The following GRM8 variants were observed in gnomAD, a reference collection of about 807,000 sequenced individuals.
GRM8 encodes the protein metabotropic glutamate receptor 8.
Under a neutral mutation model 87.2 loss-of-function variants are expected in GRM8, and 47 were observed. The ratio of observed to expected loss-of-function variants is 0.54; its 90% CI spans 0.43 to 0.69. The LOEUF (loss-of-function observed/expected upper bound fraction) is 0.69. Among genes scored for constraint, GRM8 ranks in the 30% least tolerant of loss-of-function variants. GRM8 has a pLI of 0.00. For missense variants in GRM8, 1,019 were observed against 1,139.2 expected, an observed-to-expected ratio of 0.89 and a Z score of 1.52; for synonymous variants, 396 against 404.5, an observed-to-expected ratio of 0.98 and a Z score of 0.25.
chr7:126,695,191 A>C (rs1218840390), intron 7 of GRM8, among the ~76,000 whole-genome samples: 1 of 152,176 alleles, frequency 6.6e-6, no homozygotes, highest in East Asian at 1.9e-4. Flanking sequence ...AAAATACTAA[A>C]TTAGTAATAT....
chr7:126,601,367 T>C (rs1343057976), intron 8 of GRM8, among the ~76,000 whole-genome samples: 1 of 152,102 alleles, frequency 6.6e-6, no homozygotes, highest in Non-Finnish European at 1.5e-5. Flanking sequence ...GTCTTTGCTA[T>C]GGTGAATAAT....
At chr7:126,595,863 C>G (rs1418496580) in intron 8 of GRM8, among the ~76,000 whole-genome samples, 1 of 152,052 alleles carries the variant, frequency 6.6e-6, no homozygotes, top group African/African-American at 2.4e-5. Flanking sequence ...TCCGGCTGGT[C>G]GCAGTAGCTC....
chr7:127,019,395 T>C (rs970500187), intron 3 of GRM8, among the ~76,000 whole-genome samples: 2 of 152,080 alleles, frequency 1.3e-5, no homozygotes, highest in African/African-American at 4.8e-5. Context: ...CCAGGTGCTA[T>C]AGCAAATGGT....
At chr7:126,599,784 G>A (rs1415618921) in intron 8 of GRM8, among the ~76,000 whole-genome samples, 1 of 152,126 alleles carries the variant, frequency 6.6e-6, no homozygotes, top group Non-Finnish European at 1.5e-5. Flanking sequence ...AACACAGCTG[G>A]ATGTATTAGT....
At chr7:127,209,946 C>T (rs1796122091) in intron 2 of GRM8, among the ~76,000 whole-genome samples, 1 of 152,108 alleles carries the variant, frequency 6.6e-6, no homozygotes, top group Non-Finnish European at 1.5e-5. Context: ...ACATATAATT[C>T]ACCCACTACC....
At chr7:126,894,613 C>T (rs577285196) in intron 6 of GRM8, among the ~76,000 whole-genome samples, 62 of 152,152 alleles carry the variant, frequency 4.1e-4, no homozygotes, top group African/African-American at 1.5e-3. Context: ...ATGCATCAAT[C>T]TGACTCCCTC....
chr7:126,919,620 T>G (rs932826517), intron 3 of GRM8, among the ~76,000 whole-genome samples: 1 of 151,448 alleles, frequency 6.6e-6, no homozygotes, highest in Non-Finnish European at 1.5e-5. Flanking sequence ...AAAAAAAAAA[T>G]GAAAGGAGTG....
At chr7:126,514,784 C>T (rs1056314902) in intron 9 of GRM8, among the ~76,000 whole-genome samples, 1 of 151,952 alleles carries the variant, frequency 6.6e-6, no homozygotes, top group African/African-American at 2.4e-5. Context: ...TTACCATTCT[C>T]ATTGTACTAA....
chr7:127,187,576 C>G (rs934644133), intron 2 of GRM8, among the ~76,000 whole-genome samples: 6 of 152,214 alleles, frequency 3.9e-5, no homozygotes, highest in African/African-American at 1.4e-4. Context: ...GAGGCCATAA[C>G]TGGCACTAAC....
At chr7:127,093,243 T>C (rs1027666777) in intron 3 of GRM8, among the ~76,000 whole-genome samples, 1 of 152,198 alleles carries the variant, frequency 6.6e-6, no homozygotes, top group Non-Finnish European at 1.5e-5. Context: ...TAAGCTTGAC[T>C]GGAAACTGCA....
chr7:126,556,791 T>C (rs1188685862), intron 8 of GRM8, among the ~76,000 whole-genome samples: 1 of 152,246 alleles, frequency 6.6e-6, no homozygotes, highest in Non-Finnish European at 1.5e-5. Flanking sequence ...AATGTATGTA[T>C]TTTTGTTCCA....
chr7:127,001,825 C>T (rs937071758), intron 3 of GRM8, among the ~76,000 whole-genome samples: 1 of 151,628 alleles, frequency 6.6e-6, no homozygotes, highest in Non-Finnish European at 1.5e-5. Flanking sequence ...AGTTGTGATA[C>T]ATCCTTTCAA....
At chr7:127,113,847 C>T (rs1826533529) in intron 2 of GRM8, among the ~76,000 whole-genome samples, 1 of 152,096 alleles carries the variant, frequency 6.6e-6, no homozygotes, top group Admixed American at 6.6e-5. Flanking sequence ...CTACTAGTTG[C>T]TTGTGGCAAA....
At chr7:126,813,040 T>C (rs917057272) in intron 6 of GRM8, among the ~76,000 whole-genome samples, 12 of 151,950 alleles carry the variant, frequency 7.9e-5, no homozygotes, top group African/African-American at 2.9e-4. Flanking sequence ...AGTGAGAGGA[T>C]CTATAAAAAT....
chr7:126,474,890 T>A (rs1044271212), intron 9 of GRM8, among the ~76,000 whole-genome samples: 13 of 152,128 alleles, frequency 8.5e-5, no homozygotes, highest in African/African-American at 3.1e-4. Context: ...AATTATATGA[T>A]CACCTCAATA....
chr7:126,922,142 TAAGCATATGACA>T (rs1804597145), intron 3 of GRM8, among the ~76,000 whole-genome samples: 1 of 152,184 alleles, frequency 6.6e-6, no homozygotes, highest in Non-Finnish European at 1.5e-5. Flanking sequence ...TATAGAAATC[TAAGCATATGACA>T]AAGCAAGAAA....
chr7:127,064,880 C>T (rs1052785613), intron 3 of GRM8, among the ~76,000 whole-genome samples: 6 of 152,132 alleles, frequency 3.9e-5, no homozygotes, highest in African/African-American at 1.4e-4. Context: ...GGCTGGCAAG[C>T]TTGCAGAGGA....
rs188748613 is a variant in GRM8 at position 126,969,640 on chromosome 7, C to A, written c.728-64957G>T. On this transcript the variant is annotated intron_variant, in intron 3 of 10. Transcript: ENST00000339582. ...TACTACAGTCTTGAACCCCTCAAAGCCATCCCTAAGGGTTGGCATCAACTT... is the reference window on the plus strand; with the variant it reads ...TACTACAGTCTTGAACCCCTCAAAGACATCCCTAAGGGTTGGCATCAACTT... 8.7e-4 allele frequency among the ~76,000 whole-genome samples: 132 copies of A among 152,222 alleles called. 2 individuals carry two copies. The highest frequency in any genetic ancestry group is 3.0e-3 in the African/African-American group (124 of 41,556).
chr7:126,706,570 G>C (rs1810549564), intron 7 of GRM8, among the ~76,000 whole-genome samples: 1 of 152,132 alleles, frequency 6.6e-6, no homozygotes, highest in South Asian at 2.1e-4. Flanking sequence ...GCCTTACTCA[G>C]TCTACCAATT....
Sources: allele counts gnomAD v4.1 joint callset (sites outside exome capture counted in the v4.1 genomes callset), GRCh38; gene constraint gnomAD v4.1.1; transcripts MANE v1.5; gene names NCBI Gene and HGNC (gene_info 2026-07-23, HGNC 2026-07-21).